The following RBAK variants were observed in gnomAD, a reference collection of about 807,000 sequenced individuals.
RBAK encodes RB-associated KRAB zinc finger protein.
A neutral mutation model predicts 65.8 loss-of-function variants in RBAK; 39 were observed. The observed-to-expected ratio is 0.59, with a 90% CI of 0.46 to 0.77. The LOEUF (loss-of-function observed/expected upper bound fraction) is 0.77. Among genes scored for constraint, RBAK ranks in the 30% least tolerant of loss-of-function variants. The pLI, the probability that RBAK is intolerant of heterozygous loss-of-function variation, is 0.00. For synonymous variants in RBAK, 343 were observed against 289.7 expected (o/e 1.18, Z -1.87); for missense variants, 884 against 855.1 (o/e 1.03, Z -0.42).
Position 5,069,110 on chromosome 7 carries a change from G to C in RBAK, c.*3509G>C, listed in dbSNP as rs1779290742. On this transcript the variant is annotated 3_prime_UTR_variant, in exon 5 of 5. Transcript: ENST00000396912. ...AGTGTGTTTTGAGCTGTGCACTTAA[G>C]ATATGTGTATTTTTCTGCATGTGTG... 6.6e-6 allele frequency: 1 copy of C among 152,182 alleles called. No homozygotes were observed. The highest frequency in any genetic ancestry group is 1.5e-5 in the Non-Finnish European group (1 of 68,032). 9.4% of individuals were successfully genotyped at this position (152,182 alleles called of 1,614,324 possible).
intron 2 of RBAK, among the ~76,000 whole-genome samples, chr7:5,055,171 T>G (rs924319411): frequency 6.6e-6 from 1 of 152,146 alleles, no homozygotes; most frequent in African/African-American, 2.4e-5. Flanking sequence ...TTGTTCTTGA[T>G]CTTAGTAGGA....
chr7:5,045,926 T>G lies in RBAK; in HGVS notation c.-515T>G, dbSNP rs1357955405. On this transcript the variant is annotated 5_prime_UTR_variant, in exon 1 of 5. Transcript: ENST00000396912. ...CTAGTTCCCAGGCTTTGGCCTCCAG[T>G]GGACGAGAATCGCGGAGCCTGCGGG... The G allele has an allele frequency of 2.9e-6, 1 of 345,096 alleles. No individual in the cohort carries two copies. The highest frequency in any genetic ancestry group is 1.5e-4 in the East Asian group (1 of 6,834). The allele number at this position is 345,096 out of a possible 1,614,324, so 21.4% of individuals were successfully genotyped here. A position where few individuals can be genotyped will look rare whatever the true frequency, so the allele number is the denominator to read the frequency against.
At position 5,064,081 on chromosome 7, in the gene RBAK, G is replaced by C. The variant is rs111857737; in HGVS notation, c.625G>C (p.Glu209Gln). 7.4e-6 allele frequency: 12 copies of C among 1,613,860 alleles called. No individual in the cohort carries two copies. The highest frequency in any genetic ancestry group is 2.7e-5 in the African/African-American group (2 of 75,046). ...SILEKPFEYN[E>Q]CMEALDNEAV... Reference sequence around the variant, plus strand: ...TTTGGAGAAACCCTTTGAATATAATGAATGCATGGAAGCCTTAGACAATGA... The same window carrying C: ...TTTGGAGAAACCCTTTGAATATAATCAATGCATGGAAGCCTTAGACAATGA... Residue 209 changes from glutamate (E) to glutamine (Q), a missense_variant, in exon 5 of 5, where the codon GAA (glutamate) becomes CAA (glutamine). Transcript: ENST00000396912. This position sits in a 1 kb window ranked among gnomAD's most constrained non-coding sequence, Gnocchi z 6.3.
chr7:5,049,600 G>C (rs1360273463), intron 2 of RBAK, among the ~76,000 whole-genome samples: 2 of 152,174 alleles, frequency 1.3e-5, no homozygotes, highest in Non-Finnish European at 2.9e-5. Flanking sequence ...TTTGACATCT[G>C]TTACTTCCAA....
intron 2 of RBAK, among the ~76,000 whole-genome samples, chr7:5,054,942 TTTTG>T (rs1184928048): frequency 6.6e-6 from 1 of 150,676 alleles, no homozygotes; most frequent in African/African-American, 2.5e-5. Flanking sequence ...AACTAATTTT[TTTTG>T]TTTGTTTGTT....
rs559597057 is a variant in RBAK, at chr7:5,065,406, C to T, written c.1950C>T (p.Pro650=). 3.1e-6 allele frequency: 5 copies of T among 1,613,868 alleles called. No homozygotes were observed. Among genetic ancestry groups the T allele is most frequent in the Non-Finnish European group, 4.2e-6 (5 of 1,179,840 alleles). Residue 650 remains proline (P), a synonymous_variant, in exon 5 of 5, where the codon CCC becomes CCT. Transcript: ENST00000396912. This position sits in a 1 kb window ranked among gnomAD's most constrained non-coding sequence, Gnocchi z 5.3. ...ACAGAAGCCATTCAGGAGAGAAACCCTATGAATGTAATGAATGTGGGAAAG... is the reference window on the plus strand; with the variant it reads ...ACAGAAGCCATTCAGGAGAGAAACCTTATGAATGTAATGAATGTGGGAAAG... ...VHYRSHSGEK[P]YECNECGKVF...
chr7:5,049,686 T>G (rs908641475), intron 2 of RBAK, among the ~76,000 whole-genome samples: 5 of 152,132 alleles, frequency 3.3e-5, no homozygotes, highest in African/African-American at 7.2e-5. Flanking sequence ...CTGCTTGTCT[T>G]TAAATGATGA....
chr7:5,060,872 T>C (rs537665559), intron 4 of RBAK, among the ~76,000 whole-genome samples: 6 of 152,292 alleles, frequency 3.9e-5, no homozygotes, highest in African/African-American at 7.2e-5. Flanking sequence ...CAGGGTTGCA[T>C]TGAATGTGGG....
chr7:5,064,276 T>A lies in RBAK; in HGVS notation c.820T>A (p.Ser274Thr), dbSNP rs755678572. ...ATGTGGAAAATCCTTCTGTAAAAAG[T>A]CAAAATTCATCATCCACCAGAGGGC... is the stretch of plus-strand genomic sequence containing the variant. ...SECGKSFCKK[S>T]KFIIHQRAHT... Residue 274 changes from serine to threonine, a missense_variant, in exon 5 of 5, where the codon TCA becomes ACA. Physicochemically the swap from Ser to Thr is moderately conservative, Grantham distance 58. Transcript: ENST00000396912. The surrounding 1 kb of genome is among the most constrained non-coding windows in gnomAD (Gnocchi z 6.3). 9.3e-6 allele frequency: 15 copies of A among 1,614,108 alleles called. No homozygotes were observed. The highest frequency in any genetic ancestry group is 1.3e-5 in the Non-Finnish European group (15 of 1,180,000).
chr7:5,066,237 T>C lies in RBAK; in HGVS notation c.*636T>C, dbSNP rs1779215723. The C allele has an allele frequency of 6.6e-6, 1 of 152,564 alleles. No individual in the cohort carries two copies. Among genetic ancestry groups the C allele is most frequent in the Non-Finnish European group, 1.5e-5 (1 of 68,004 alleles). 9.5% of individuals were successfully genotyped at this position (152,564 alleles called of 1,614,324 possible). ...AAATGTATTAAGACAGGACATATTG[T>C]TGGTGAGATAATATTTAATAGGTAT... is the stretch of plus-strand genomic sequence containing the variant. On this transcript the variant is annotated 3_prime_UTR_variant, in exon 5 of 5. Coordinates refer to ENST00000396912, the MANE Select transcript of RBAK (RefSeq NM_021163.4).
intron 4 of RBAK, among the ~76,000 whole-genome samples, chr7:5,058,177 C>T (rs749718280): frequency 1.6e-4 from 24 of 152,132 alleles, no homozygotes; most frequent in Admixed American, 3.3e-4. Flanking sequence ...CAGGTTCAAG[C>T]GATTCTCCTT....
At position 5,062,592 on chromosome 7, in the gene RBAK, T is replaced by C. The variant is rs559051205; in HGVS notation, c.239-1103T>C. Reference sequence around the variant, plus strand: ...CACCATTGTCATTGATAACATCTTATCAGGAGACAGGGTTTCGAGAGCAAC... The same window carrying C: ...CACCATTGTCATTGATAACATCTTACCAGGAGACAGGGTTTCGAGAGCAAC... On this transcript the variant is annotated intron_variant, in intron 4 of 4. Coordinates refer to ENST00000396912, the MANE Select transcript of RBAK (RefSeq NM_021163.4). Among the ~76,000 whole-genome samples the C allele has an allele frequency of 1.9e-4, 29 of 152,328 alleles. 1 individual carries two copies. The highest frequency in any genetic ancestry group is 4.4e-5 in the Non-Finnish European group (3 of 68,038).
chr7:5,065,561 G>C lies in RBAK; in HGVS notation c.2105G>C (p.Arg702Thr), dbSNP rs745538164. The C allele has an allele frequency of 1.0e-5, 16 of 1,554,734 alleles. No individual in the cohort carries two copies. Among genetic ancestry groups the C allele is most frequent in the Non-Finnish European group, 1.4e-5 (16 of 1,154,472 alleles). ...SAFNSHQRIH[R>T]RGNMNVLDVE... The stretch of plus-strand genomic sequence containing the variant: ...TTCAATAGCCATCAGAGAATTCATA[G>C]AAGAGGAAATATGAACGTACTTGAT... Residue 702 changes from arginine to threonine, a missense_variant, in exon 5 of 5, where the codon AGA becomes ACA. Arg to Thr is a moderately conservative substitution (Grantham distance 71). Transcript: ENST00000396912. The surrounding 1 kb of genome is among the most constrained non-coding windows in gnomAD (Gnocchi z 5.3).
Position 5,065,294 on chromosome 7 carries a change from A to G in RBAK, c.1838A>G (p.His613Arg). 6.2e-7 allele frequency: 1 copy of G among 1,614,056 alleles called. No individual in the cohort carries two copies. Among genetic ancestry groups the G allele is most frequent in the South Asian group, 1.1e-5 (1 of 91,074 alleles). The part of the protein sequence containing the change: ...FFSQKSYLTI[H>R]HRIHSGEKPY... ...TCTCAGAAATCATATCTCACTATAC[A>G]TCATCGAATTCATTCAGGAGAGAAA... Residue 613 changes from histidine (H) to arginine (R), a missense_variant, in exon 5 of 5, where the codon CAT (histidine) becomes CGT (arginine). By Grantham distance (29) the His-to-Arg change is conservative. Coordinates refer to ENST00000396912, the MANE Select transcript of RBAK (RefSeq NM_021163.4). The surrounding 1 kb of genome is among the most constrained non-coding windows in gnomAD (Gnocchi z 5.3).
intron 2 of RBAK, 74 bp from the exon 3 acceptor site, chr7:5,057,221 C>G (rs185614423): frequency 1.1e-5 from 18 of 1,608,664 alleles, no homozygotes; most frequent in Non-Finnish European, 1.5e-5. Flanking sequence ...TTAACTTTAC[C>G]GGTGGGCTTT....
intron 2 of RBAK, 101 bp from the exon 3 acceptor site, chr7:5,057,194 G>A: frequency 1.3e-6 from 2 of 1,571,134 alleles, no homozygotes; most frequent in Non-Finnish European, 1.7e-6. Flanking sequence ...ATAAAATAAG[G>A]TATACAATGT....
rs188518112 is a variant in RBAK, at chr7:5,056,023, G to A, written c.16-1272G>A. On this transcript the variant is annotated intron_variant, in intron 2 of 4. Coordinates refer to ENST00000396912, the MANE Select transcript of RBAK (RefSeq NM_021163.4). ...TCTAAACTACAAGTTTGGGCAGGGC[G>A]TGCTGGCTCAAGCCTGTAATCCCAA... 6.0e-4 allele frequency among the ~76,000 whole-genome samples: 91 copies of A among 152,036 alleles called. 1 individual carries two copies. The highest frequency in any genetic ancestry group is 2.1e-3 in the African/African-American group (87 of 41,450).
At chr7:5,062,903 C>T (rs929281029) in intron 4 of RBAK, among the ~76,000 whole-genome samples, 10 of 152,202 alleles carry the variant, frequency 6.6e-5, no homozygotes, top group African/African-American at 2.2e-4. Context: ...GGTTATCTCT[C>T]TTGTTCCCTA....
At position 5,046,240 on chromosome 7, in the gene RBAK, G is replaced by A. The variant is rs1363582980; in HGVS notation, c.-201G>A. On this transcript the variant is annotated 5_prime_UTR_variant, in exon 1 of 5. Coordinates refer to ENST00000396912, the MANE Select transcript of RBAK (RefSeq NM_021163.4). ...TGGGTCCCGGGAAGGACACCCGCCT[G>A]GATTTGCCCCTTAGGCCCGGCCCGG... 5.9e-6 allele frequency: 3 copies of A among 512,586 alleles called. No homozygotes were observed. The highest frequency in any genetic ancestry group is 1.2e-5 in the Non-Finnish European group (3 of 258,090). The allele number at this position is 512,586 out of a possible 1,614,324, so 31.8% of individuals were successfully genotyped here.
Sources: gnomAD v4.1 joint callset for allele counts (sites outside exome capture counted in the v4.1 genomes callset) on GRCh38, gnomAD v4.1.1 for gene constraint, Gnocchi (gnomAD v3.1) non-coding constraint, MANE v1.5 for transcripts, NCBI Gene and HGNC (gene_info 2026-07-23, HGNC 2026-07-21) for gene names.